MTO1: variants seen among roughly 807,000 people sequenced by gnomAD.
MTO1 encodes the protein 5-taurinomethyluridine-[tRNA] synthase subunit MTO1, mitochondrial.
In MTO1, 46 loss-of-function variants were observed where a neutral mutation model predicts 71.6. The ratio of observed to expected loss-of-function variants is 0.64; its 90% CI spans 0.51 to 0.82. MTO1 has a LOEUF of 0.82. Ranked by LOEUF, MTO1 falls within the 40% of genes least tolerant of loss-of-function variation. The pLI is 0.00. For synonymous variants in MTO1, 297 were observed against 312.1 expected (o/e 0.95, Z 0.51); for missense variants, 773 against 867.5 (o/e 0.89, Z 1.37).
At chr6:73,477,793 C>A (rs1296484537) in intron 4 of MTO1, among the ~76,000 whole-genome samples, 1 of 151,994 alleles carries the variant, frequency 6.6e-6, no homozygotes, top group Non-Finnish European at 1.5e-5. Flanking sequence ...AAGTATGAGC[C>A]ACCAAGCCTA....
intron 4 of MTO1, among the ~76,000 whole-genome samples, chr6:73,478,945 A>G (rs1327925736): frequency 4.1e-5 from 6 of 147,338 alleles, no homozygotes; most frequent in African/African-American, 1.3e-4. Flanking sequence ...CTGGAGTGCA[A>G]TGGTGCAATC....
At chr6:73,493,959 G>A (rs940635839) in intron 10 of MTO1, among the ~76,000 whole-genome samples, 65 of 152,014 alleles carry the variant, frequency 4.3e-4, no homozygotes, top group Non-Finnish European at 6.5e-4. Flanking sequence ...GAAGCTGGGC[G>A]TAGTGGCTCA....
chr6:73,468,582 T>C (rs1417386489), intron 3 of MTO1, among the ~76,000 whole-genome samples: 1 of 151,932 alleles, frequency 6.6e-6, no homozygotes, highest in African/African-American at 2.4e-5. Flanking sequence ...TTATGCTTGG[T>C]TTTGCCTTGA....
chr6:73,498,155 G>A (rs1368248812), intron 11 of MTO1, among the ~76,000 whole-genome samples: 1 of 151,956 alleles, frequency 6.6e-6, no homozygotes, highest in Non-Finnish European at 1.5e-5. Context: ...AGGCTGCAGT[G>A]AGCCATGATT....
intron 9 of MTO1, among the ~76,000 whole-genome samples, chr6:73,490,148 C>CTT (rs1305631290): frequency 5.3e-5 from 8 of 152,020 alleles, no homozygotes; most frequent in African/African-American, 1.9e-4. Flanking sequence ...TTGATTTTTT[C>CTT]TTGTAAATTT....
intron 3 of MTO1, among the ~76,000 whole-genome samples, chr6:73,468,245 G>A (rs1226044428): frequency 2.6e-5 from 4 of 151,910 alleles, no homozygotes; most frequent in Non-Finnish European, 5.9e-5. Flanking sequence ...AGCCTCCCAA[G>A]TAGCTGGGGT....
intron 3 of MTO1, among the ~76,000 whole-genome samples, chr6:73,470,060 T>C (rs1771105582): frequency 6.6e-6 from 1 of 152,134 alleles, no homozygotes; most frequent in African/African-American, 2.4e-5. Flanking sequence ...CAAATATCAA[T>C]GTCTGTTAGT....
At position 73,502,886 on chromosome 6, in the gene MTO1, ACT is replaced by A. The variant is rs1379316056; in HGVS notation, c.*2154_*2155del. 1 of 146,138 alleles carries A rather than the reference ACT, an allele frequency of 6.8e-6. No individual in the cohort carries two copies. The highest frequency in any genetic ancestry group is 7.0e-5 in the Admixed American group (1 of 14,298). The allele number at this position is 146,138 out of a possible 1,614,324, so 9.1% of individuals were successfully genotyped here. On this transcript the variant is annotated 3_prime_UTR_variant, in exon 12 of 12. Coordinates refer to ENST00000498286, the MANE Select transcript of MTO1 (RefSeq NM_012123.4). ...CACTCCAGCCTGGCAACAGAGTGAG[ACT>A]CTGTCTCAAAAAAAAAAAAAGAAAC...
At chr6:73,478,329 C>T (rs1015878042) in intron 4 of MTO1, among the ~76,000 whole-genome samples, 1 of 151,568 alleles carries the variant, frequency 6.6e-6, no homozygotes. Context: ...CCTGTAATAC[C>T]AGCACTTTGG....
In MTO1 at chr6:73,482,254, T is replaced by C; in HGVS notation, c.1465+10T>C. 2 of 1,613,668 alleles carry C rather than the reference T, an allele frequency of 1.2e-6. No homozygotes were observed. Among genetic ancestry groups the C allele is most frequent in the African/African-American group, 1.3e-5 (1 of 75,018 alleles). ...CGGCTCACACTGCGAGGTAACTCTT[T>C]CCTGAGTCCTGCAATCCAGCCAGGC... On this transcript the variant is annotated intron_variant, in intron 8 of 11. Transcript: ENST00000498286.
chr6:73,487,876 G>T (rs1221906754), intron 9 of MTO1: 2 of 152,068 alleles, frequency 1.3e-5, no homozygotes, highest in Non-Finnish European at 2.9e-5. Context: ...ACCACACCTG[G>T]CAGTAGTTCT....
At chr6:73,487,164 G>T (rs908589820) in intron 9 of MTO1, among the ~76,000 whole-genome samples, 4 of 150,668 alleles carry the variant, frequency 2.7e-5, no homozygotes, top group Admixed American at 1.3e-4. Flanking sequence ...ATGAACATGG[G>T]TATACAAAGA....
At chr6:73,488,451 A>G (rs919240496) in intron 9 of MTO1, among the ~76,000 whole-genome samples, 3 of 152,060 alleles carry the variant, frequency 2.0e-5, no homozygotes, top group African/African-American at 7.2e-5. Context: ...AGGATTACAG[A>G]CGTAGTCACC....
chr6:73,491,580 C>T (rs894236598), intron 9 of MTO1, among the ~76,000 whole-genome samples: 2 of 152,076 alleles, frequency 1.3e-5, no homozygotes, highest in African/African-American at 4.8e-5. Flanking sequence ...ATGACTAATT[C>T]ACAGGACTGT....
chr6:73,492,469 T>C (rs1486898673), intron 10 of MTO1, 117 bp downstream of exon 10: 14 of 684,772 alleles, frequency 2.0e-5, no homozygotes, highest in Middle Eastern at 3.9e-4. Flanking sequence ...TTTTCAAAAG[T>C]GTGGTCCTCA....
At chr6:73,486,162 C>T (rs1214880091) in intron 9 of MTO1, among the ~76,000 whole-genome samples, 5 of 152,036 alleles carry the variant, frequency 3.3e-5, no homozygotes, top group Admixed American at 6.6e-5. Context: ...AAAACTATCT[C>T]GAATTCTGGT....
chr6:73,466,681 T>G, intron 3 of MTO1, 75 bp downstream of exon 3: 2 of 1,283,632 alleles, frequency 1.6e-6, no homozygotes, highest in Non-Finnish European at 2.3e-6. Flanking sequence ...TAGAGCAAAG[T>G]GTGGAGATAT....
At position 73,505,453 on chromosome 6, in the gene MTO1, CTCAAAT is replaced by C. The variant is rs1399871175; in HGVS notation, c.*4722_*4727del. On this transcript the variant is annotated 3_prime_UTR_variant, in exon 12 of 12. Coordinates refer to ENST00000498286, the MANE Select transcript of MTO1 (RefSeq NM_012123.4). ...CCCTTTATAAGAGTTACCTGGAGCA[CTCAAAT>C]TCATAGAGACAGTAAAATGATGGTT... 1 of 152,142 alleles carries C rather than the reference CTCAAAT, an allele frequency of 6.6e-6. No individual in the cohort carries two copies. The highest frequency in any genetic ancestry group is 1.5e-5 in the Non-Finnish European group (1 of 68,064). The allele number at this position is 152,142 out of a possible 1,614,324, so 9.4% of individuals were successfully genotyped here. A position where few individuals can be genotyped will look rare whatever the true frequency, so the allele number is the denominator to read the frequency against.
intron 3 of MTO1, among the ~76,000 whole-genome samples, chr6:73,469,674 A>G (rs749874287): frequency 6.6e-6 from 1 of 151,002 alleles, no homozygotes; most frequent in Admixed American, 6.6e-5. Flanking sequence ...TTGTGTGTAC[A>G]CAGTTAATTT....
Sources: allele counts gnomAD v4.1 joint callset (sites outside exome capture counted in the v4.1 genomes callset), GRCh38; gene constraint gnomAD v4.1.1; transcripts MANE v1.5; gene names NCBI Gene and HGNC (gene_info 2026-07-23, HGNC 2026-07-21).